Variants in LAMA2 observed in about 807,000 individuals in gnomAD.
LAMA2 encodes laminin subunit alpha-2.
A neutral mutation model predicts 364.8 loss-of-function variants in LAMA2; 269 were observed. That is an observed-to-expected ratio of 0.74 (90% CI 0.67 to 0.82). The LOEUF is 0.82. Among genes scored for constraint, LAMA2 ranks in the 40% least tolerant of loss-of-function variants. The probability of loss-of-function intolerance (pLI) is 0.00; values close to 1 mark genes in which losing one functional copy is unlikely to be tolerated. For synonymous variants in LAMA2, 1,379 were observed against 1,370.6 expected (o/e 1.01, Z -0.14); for missense variants, 3,807 against 3,873.2 (o/e 0.98, Z 0.45).
chr6:129,359,425 C>T (rs1777338157), intron 32 of LAMA2, among the ~76,000 whole-genome samples: 1 of 151,514 alleles, frequency 6.6e-6, no homozygotes, highest in Non-Finnish European at 1.5e-5. Flanking sequence ...AAAGAAATGA[C>T]AGGTTAAAAG....
At chr6:128,987,140 G>T (rs143236341) in intron 1 of LAMA2, among the ~76,000 whole-genome samples, 2,888 of 120,590 alleles carry the variant, frequency 0.024, 1 homozygote, top group East Asian at 0.059. Flanking sequence ...TTTTTTTTTT[G>T]TTTTTTTTTT....
intron 12 of LAMA2, among the ~76,000 whole-genome samples, chr6:129,233,477 A>C (rs1294077724): frequency 6.6e-6 from 1 of 152,174 alleles, no homozygotes; most frequent in Non-Finnish European, 1.5e-5. Flanking sequence ...GTATTCTTAT[A>C]ATAAAGTGTG....
chr6:129,074,630 ATTTAT>A (rs757019017), intron 3 of LAMA2, among the ~76,000 whole-genome samples: 1 of 152,194 alleles, frequency 6.6e-6, no homozygotes, highest in Non-Finnish European at 1.5e-5. Flanking sequence ...GGGAAAAAAT[ATTTAT>A]TTTATTTACA....
chr6:129,510,680 A>G (rs1786501702), intron 62 of LAMA2, among the ~76,000 whole-genome samples: 1 of 152,070 alleles, frequency 6.6e-6, no homozygotes, highest in Non-Finnish European at 1.5e-5. Flanking sequence ...AGATACTTAG[A>G]AAAAAAGATT....
At chr6:129,402,208 C>CAAAA (rs372396435) in intron 38 of LAMA2, 116 bp from the exon 39 acceptor site, 591 of 446,808 alleles carry the variant, frequency 1.3e-3, no homozygotes, top group African/African-American at 3.8e-3. Flanking sequence ...GACTCTGTCT[C>CAAAA]AAAAAAAAAA....
At chr6:129,257,676 TA>T (rs1396571652) in intron 14 of LAMA2, among the ~76,000 whole-genome samples, 4 of 152,108 alleles carry the variant, frequency 2.6e-5, no homozygotes, top group Non-Finnish European at 5.9e-5. Context: ...TGAAATCATC[TA>T]ATTCTGAAAT....
chr6:129,365,100 G>C (rs1777685247), intron 32 of LAMA2, among the ~76,000 whole-genome samples: 1 of 152,190 alleles, frequency 6.6e-6, no homozygotes, highest in African/African-American at 2.4e-5. Context: ...ATGAGATTTG[G>C]ATGGGGACAC....
intron 29 of LAMA2, among the ~76,000 whole-genome samples, chr6:129,336,509 C>T (rs1297466655): frequency 1.3e-5 from 2 of 152,146 alleles, no homozygotes; most frequent in Non-Finnish European, 1.5e-5. Context: ...AAACAGGTCA[C>T]TGTACAGAGA....
intron 3 of LAMA2, among the ~76,000 whole-genome samples, chr6:129,078,676 A>G (rs1562218892): frequency 6.6e-6 from 1 of 152,018 alleles, no homozygotes; most frequent in Non-Finnish European, 1.5e-5. Context: ...ATAACAAACA[A>G]TTTTTTATCT....
chr6:129,222,421 C>A (rs929889125), intron 12 of LAMA2, among the ~76,000 whole-genome samples: 3 of 151,482 alleles, frequency 2.0e-5, no homozygotes, highest in Non-Finnish European at 2.9e-5. Flanking sequence ...TGTACATGTG[C>A]CATGTTGGTG....
At chr6:129,017,644 C>T (rs1478459301) in intron 1 of LAMA2, among the ~76,000 whole-genome samples, 1 of 152,010 alleles carries the variant, frequency 6.6e-6, no homozygotes, top group East Asian at 1.9e-4. Flanking sequence ...ATTGACTAGC[C>T]ACCTGCCACA....
rs540382754 is a variant in LAMA2 at position 129,081,097 on chromosome 6, T to C, written c.397-17076T>C. On this transcript the variant is annotated intron_variant, in intron 3 of 64. Transcript: ENST00000421865. ...GAAGAGTTCATGTCCTTTGTAGGGA[T>C]ATGGATGAAGCTGGAAACCATCATT... Among the ~76,000 whole-genome samples the C allele has an allele frequency of 3.3e-5, 5 of 152,182 alleles. No homozygotes were observed. The East Asian group carries it at 5.8e-4, about 18-fold the overall frequency.
At chr6:129,255,336 G>A in intron 14 of LAMA2, among the ~76,000 whole-genome samples, 1 of 146,840 alleles carries the variant, frequency 6.8e-6, no homozygotes, top group Non-Finnish European at 1.5e-5. Flanking sequence ...AACCCGGGAT[G>A]TGGAGGTTGC....
At chr6:129,104,714 G>A (rs952465607) in intron 4 of LAMA2, among the ~76,000 whole-genome samples, 1 of 152,012 alleles carries the variant, frequency 6.6e-6, no homozygotes, top group African/African-American at 2.4e-5. Flanking sequence ...ATTTGGCTTT[G>A]TTTGTTACTC....
rs909563962 is a variant in LAMA2 at position 129,460,409 on chromosome 6, T to A, written c.6992+85T>A. ...TATTGCATAATATTCTATTATCATGTGGATGATGTGGAGCAGGTTTGAAAG... is the reference window on the plus strand; with the variant it reads ...TATTGCATAATATTCTATTATCATGAGGATGATGTGGAGCAGGTTTGAAAG... On this transcript the variant is annotated intron_variant, in intron 49 of 64. Coordinates refer to ENST00000421865, the MANE Select transcript of LAMA2 (RefSeq NM_000426.4). The A allele has an allele frequency of 5.3e-6, 7 of 1,320,140 alleles. No homozygotes were observed. In the African/African-American group the frequency reaches 8.7e-5, roughly 16 times the overall value. 81.8% of individuals were successfully genotyped at this position (1,320,140 alleles called of 1,614,324 possible).
rs908583446 is a variant in LAMA2 at position 129,402,457 on chromosome 6, A to T, written c.5696A>T (p.Gln1899Leu). 6.2e-7 allele frequency: 1 copy of T among 1,614,158 alleles called. No homozygotes were observed. ...KVSQAESHAA[Q>L]LNDSSAVLDG... is the part of the protein sequence containing the mutation. ...TCCCAGGCTGAGAGCCACGCAGCTC[A>T]GTTGAATGACTCATCTGCTGTCCTT... The change falls in exon 39 of 65, where the codon CAG becomes CTG. Residue 1899 changes from glutamine to leucine, a missense_variant. This residue lies in a region of LAMA2 where 3,333 missense variants were observed against 3,345.7 expected (regional missense o/e 1.00). Coordinates refer to ENST00000421865, the MANE Select transcript of LAMA2 (RefSeq NM_000426.4).
chr6:129,096,375 G>A (rs1324792354), intron 3 of LAMA2, among the ~76,000 whole-genome samples: 1 of 151,980 alleles, frequency 6.6e-6, no homozygotes, highest in Non-Finnish European at 1.5e-5. Flanking sequence ...AGCAGAATAC[G>A]GGATGGAAAA....
chr6:128,963,677 A>C (rs1781674143), intron 1 of LAMA2, among the ~76,000 whole-genome samples: 1 of 152,144 alleles, frequency 6.6e-6, no homozygotes. Context: ...CCAGCTTCTA[A>C]GCTAACCAGA....
chr6:129,269,575 C>G (rs555534954), intron 16 of LAMA2, among the ~76,000 whole-genome samples: 10 of 151,984 alleles, frequency 6.6e-5, no homozygotes, highest in Non-Finnish European at 1.3e-4. Flanking sequence ...GTTAGAAATA[C>G]CATTTTCAAC....
Sources: allele counts gnomAD v4.1 joint callset (sites outside exome capture counted in the v4.1 genomes callset), GRCh38; gene constraint gnomAD v4.1.1; regional missense constraint gnomAD v4.1.1; transcripts MANE v1.5; gene names NCBI Gene and HGNC (gene_info 2026-07-23, HGNC 2026-07-21).